UGT1A10: variants seen among roughly 807,000 people sequenced by gnomAD.
The protein encoded by UGT1A10 is UDP glucuronosyltransferase family 1 member A10.
UGT1A10 carries 49 observed loss-of-function variants against 45.8 expected under a neutral mutation model. That is an observed-to-expected ratio of 1.07 (90% confidence interval 0.85 to 1.36). The LOEUF is 1.36. Among genes scored for constraint, UGT1A10 ranks in the 40% most tolerant of loss-of-function variants. The pLI is 0.00. For missense variants in UGT1A10, 745 were observed against 668.6 expected (o/e 1.11, Z -1.26); for synonymous variants, 284 against 249.7 (o/e 1.14, Z -1.29).
At chr2:233,671,954 C>T (rs1245308626) in intron 1 of UGT1A10, 1 of 1,612,680 alleles carries the variant, frequency 6.2e-7, no homozygotes, top group Non-Finnish European at 8.5e-7. Flanking sequence ...ACAGGGTGGA[C>T]CAGCCCCCTT....
At chr2:233,682,724 A>C in intron 1 of UGT1A10, 1 of 1,613,894 alleles carries the variant, frequency 6.2e-7, no homozygotes, top group South Asian at 1.1e-5. Context: ...GGAGTATCCC[A>C]AACCCGTGAT....
chr2:233,743,990 C>A lies in UGT1A10; in HGVS notation c.856-23044C>A, dbSNP rs541433916. 65 of 1,267,322 alleles carry A rather than the reference C, an allele frequency of 5.1e-5. No homozygotes were observed. In the African/African-American group the frequency reaches 6.0e-4, roughly 12 times the overall value. 78.5% of individuals were successfully genotyped at this position (1,267,322 alleles called of 1,614,324 possible). On this transcript the variant is annotated intron_variant, in intron 1 of 4. Transcript: ENST00000344644. ...GGCTGCCAGCACCCAGGCGCAGGCC[C>A]GAGTGCTCGGAGACCTGGGCCGCCT...
In UGT1A10 at chr2:233,743,247, C is replaced by T. The variant is rs569147758; in HGVS notation, c.856-23787C>T. The T allele has an allele frequency of 9.0e-4, 388 of 431,248 alleles. 10 individuals are homozygous for T. The highest frequency in any genetic ancestry group is 7.4e-3 in the African/African-American group (352 of 47,686). 26.7% of individuals were successfully genotyped at this position (431,248 alleles called of 1,614,324 possible). ...CTATTTATTATGAAGGACTTTAACTCAACTCTCCATCTTCCTCCACTTCCA... is the reference window on the plus strand; with the variant it reads ...CTATTTATTATGAAGGACTTTAACTTAACTCTCCATCTTCCTCCACTTCCA... On this transcript the variant is annotated intron_variant, in intron 1 of 4. Transcript: ENST00000344644.
chr2:233,698,492 T>C lies in UGT1A10; in HGVS notation c.855+61115T>C, dbSNP rs1274345371. ...GATTTATAGCTTAAAAATGCAGTCC[T>C]CATTAGGCAAATCACATAATCGGCA... On this transcript the variant is annotated intron_variant, in intron 1 of 4. Transcript: ENST00000344644. Among the ~76,000 whole-genome samples, 3 of 152,190 alleles carry C rather than the reference T, an allele frequency of 2.0e-5. No individual in the cohort carries two copies. The East Asian group carries it at 5.8e-4, about 29-fold the overall frequency.
intron 1 of UGT1A10, chr2:233,747,764 C>G: frequency 6.2e-7 from 1 of 1,613,426 alleles, no homozygotes; most frequent in Non-Finnish European, 8.5e-7. Context: ...ACTTTAAGGG[C>G]ACACAGTGTC....
intron 1 of UGT1A10, chr2:233,747,384 G>T: frequency 6.2e-7 from 1 of 1,605,378 alleles, no homozygotes; most frequent in Non-Finnish European, 8.5e-7. Flanking sequence ...AGGCCACCAG[G>T]CGGTGGTCCT....
rs2074950083 is a variant in UGT1A10 at position 233,689,569 on chromosome 2, T to C, written c.855+52192T>C. ...GTCATAGGTGAATTCAGAGATTTTC[T>C]GATTTGCAATTAGCTAAGGAAGAGA... On this transcript the variant is annotated intron_variant, in intron 1 of 4. Coordinates refer to ENST00000344644, the MANE Select transcript of UGT1A10 (RefSeq NM_019075.4). Among the ~76,000 whole-genome samples the C allele has an allele frequency of 5.3e-5, 8 of 152,370 alleles. 1 individual carries two copies. In the South Asian group the frequency reaches 1.7e-3, roughly 32 times the overall value.
intron 1 of UGT1A10, chr2:233,691,428 T>A: frequency 4.1e-6 from 4 of 985,592 alleles, no homozygotes; most frequent in Non-Finnish European, 4.8e-6. Context: ...CTAATCATGT[T>A]GCTCAGGCTT....
intron 1 of UGT1A10, chr2:233,693,818 G>C (rs766165182): frequency 2.5e-6 from 4 of 1,614,200 alleles, no homozygotes; most frequent in Non-Finnish European, 3.4e-6. Flanking sequence ...GCCCAACATG[G>C]TCTTCATTGG....
At chr2:233,724,269 CGGCTGGCCGGGCGGGG>C (rs2077201800) in intron 1 of UGT1A10, among the ~76,000 whole-genome samples, 1 of 124,806 alleles carries the variant, frequency 8.0e-6, no homozygotes, top group Non-Finnish European at 1.7e-5. Flanking sequence ...CCGGACGGGG[CGGCTGGCCGGGCGGGG>C]GGCTGACCCC....
chr2:233,731,109 T>C (rs1417583719), intron 1 of UGT1A10, among the ~76,000 whole-genome samples: 2 of 152,194 alleles, frequency 1.3e-5, no homozygotes, highest in African/African-American at 2.4e-5. Flanking sequence ...TTTTTATAAA[T>C]GTAGGTATTA....
intron 1 of UGT1A10, chr2:233,755,248 G>T: frequency 2.4e-6 from 2 of 834,922 alleles, no homozygotes; most frequent in Non-Finnish European, 3.6e-6. Flanking sequence ...GGTACTCCCA[G>T]CACCTCGTAG....
Position 233,671,963 on chromosome 2 carries a change from T to G in UGT1A10, c.855+34586T>G, listed in dbSNP as rs1406726680. 2.5e-6 allele frequency: 4 copies of G among 1,613,630 alleles called. No individual in the cohort carries two copies. The African/African-American group carries it at 5.3e-5, about 22-fold the overall frequency. On this transcript the variant is annotated intron_variant, in intron 1 of 4. Coordinates refer to ENST00000344644, the MANE Select transcript of UGT1A10 (RefSeq NM_019075.4). Reference sequence around the variant, plus strand: ...GCTTGCACAGGGTGGACCAGCCCCCTTCCTCTATGTGTGTGTCTGCTGCTG... The same window carrying G: ...GCTTGCACAGGGTGGACCAGCCCCCGTCCTCTATGTGTGTGTCTGCTGCTG...
At position 233,718,744 on chromosome 2, in the gene UGT1A10, G is replaced by A. The variant is rs545172755; in HGVS notation, c.856-48290G>A. 901 of 1,612,042 alleles carry A rather than the reference G, an allele frequency of 5.6e-4. 10 individuals carry two copies. The South Asian group carries it at 9.2e-3, about 16-fold the overall frequency. On this transcript the variant is annotated intron_variant, in intron 1 of 4. Transcript: ENST00000344644. ...GATTTGCTAGGTGGCTCAATGACAA[G>A]GTAATTAAGGCGAAGGAAACAAATG...
intron 1 of UGT1A10, among the ~76,000 whole-genome samples, chr2:233,681,594 C>T (rs530753313): frequency 6.7e-6 from 1 of 149,680 alleles, no homozygotes; most frequent in Admixed American, 6.6e-5. Flanking sequence ...AAATTATTAG[C>T]TTCGTTCAAA....
chr2:233,730,990 C>T (rs2078094709), intron 1 of UGT1A10, among the ~76,000 whole-genome samples: 1 of 152,140 alleles, frequency 6.6e-6, no homozygotes, highest in Non-Finnish European at 1.5e-5. Context: ...TTTCTTATTC[C>T]TTGCTGTGCC....
intron 1 of UGT1A10, among the ~76,000 whole-genome samples, chr2:233,706,946 T>C (rs766226736): frequency 3.3e-5 from 5 of 152,114 alleles, no homozygotes; most frequent in Non-Finnish European, 7.4e-5. Context: ...GGAATGCTTG[T>C]GCAAGTCAGG....
intron 1 of UGT1A10, among the ~76,000 whole-genome samples, chr2:233,724,126 A>ACCTC: frequency 1.1e-5 from 1 of 94,706 alleles, no homozygotes. Flanking sequence ...GGCGCCCCTC[A>ACCTC]CCTCCCGGAC....
At chr2:233,693,351 T>G in intron 1 of UGT1A10, 1 of 1,614,154 alleles carries the variant, frequency 6.2e-7, no homozygotes, top group Non-Finnish European at 8.5e-7. Context: ...AGGAATAACA[T>G]GATTGTTATT....
Sources: allele counts gnomAD v4.1 joint callset (sites outside exome capture counted in the v4.1 genomes callset), GRCh38; gene constraint gnomAD v4.1.1; transcripts MANE v1.5; gene names NCBI Gene and HGNC (gene_info 2026-07-23, HGNC 2026-07-21).